The following DYNC2H1 variants were observed in gnomAD, a reference collection of about 807,000 sequenced individuals.
The protein encoded by DYNC2H1 is dynein cytoplasmic 2 heavy chain 1.
DYNC2H1 carries 410 observed loss-of-function variants against 570.0 expected under a neutral mutation model. The ratio of observed to expected loss-of-function variants is 0.72; its 90% confidence interval spans 0.66 to 0.78. The LOEUF (loss-of-function observed/expected upper bound fraction) is 0.78. DYNC2H1 is among the 30% of genes least tolerant of loss of function. The probability of loss-of-function intolerance (pLI) is 0.00; values close to 1 mark genes in which losing one functional copy is unlikely to be tolerated. For missense variants in DYNC2H1, 4,865 were observed against 5,046.4 expected (o/e 0.96, Z 1.09); for synonymous variants, 1,688 against 1,677.6 (o/e 1.01, Z -0.15).
chr11:103,307,726 G>GA lies in DYNC2H1; in HGVS notation c.11390dup (p.Asn3797LysfsTer6), dbSNP rs1263248887. 12 of 1,571,298 alleles carry GA rather than the reference G, an allele frequency of 7.6e-6. No homozygotes were observed. Among genetic ancestry groups the GA allele is most frequent in the Non-Finnish European group, 1.0e-5 (12 of 1,156,652 alleles). ...TCATTGGTTTTGTAAACAAGGAATT[G>GA]AATACTCTTCAACCTAAAGATACCT... On this transcript the variant is annotated frameshift_variant, in exon 78 of 89. Transcript: ENST00000375735. LOFTEE classifies it high-confidence loss of function.
intron 82 of DYNC2H1, among the ~76,000 whole-genome samples, chr11:103,339,679 C>T (rs1340153196): frequency 6.6e-6 from 1 of 152,158 alleles, no homozygotes; most frequent in African/African-American, 2.4e-5. Flanking sequence ...AAGCCAGTGT[C>T]GTGCTGGATT....
In DYNC2H1 at chr11:103,129,099, A is replaced by G. The variant is rs1859139283; in HGVS notation, c.1953+94A>G. Reference sequence around the variant, plus strand: ...TGTTCCCTTCAGCTTAATATATCAAATGATCTAGATTTTGTTTTGCTTCCA... The same window carrying G: ...TGTTCCCTTCAGCTTAATATATCAAGTGATCTAGATTTTGTTTTGCTTCCA... On this transcript the variant is annotated intron_variant, in intron 13 of 88. Transcript: ENST00000375735. This position sits in a 1 kb window ranked among gnomAD's most constrained non-coding sequence, Gnocchi z 4.1. 1.9e-6 allele frequency: 2 copies of G among 1,057,324 alleles called. No individual in the cohort carries two copies. The highest frequency in any genetic ancestry group is 1.3e-6 in the Non-Finnish European group (1 of 743,788). 65.5% of individuals were successfully genotyped at this position (1,057,324 alleles called of 1,614,324 possible). A position where few individuals can be genotyped will look rare whatever the true frequency, so the allele number is the denominator to read the frequency against.
intron 36 of DYNC2H1, among the ~76,000 whole-genome samples, chr11:103,175,849 T>C (rs1385554478): frequency 6.6e-6 from 1 of 152,182 alleles, no homozygotes; most frequent in African/African-American, 2.4e-5. Flanking sequence ...GACTTAACAT[T>C]CTCATGTGTA....
At chr11:103,400,564 G>T (rs760219621) in intron 84 of DYNC2H1, among the ~76,000 whole-genome samples, 1 of 152,070 alleles carries the variant, frequency 6.6e-6, no homozygotes, top group Non-Finnish European at 1.5e-5. Flanking sequence ...GGGATGTTCT[G>T]CACAGATTTA....
chr11:103,479,193 T>TG lies in DYNC2H1; in HGVS notation c.12869dup (p.Asn4291GlnfsTer33). Reference sequence around the variant, plus strand: ...TGGTTACCAATATTGATGTTCCATGTGGGGGCAACCAAGACCAGTGGATTC... The same window carrying TG: ...TGGTTACCAATATTGATGTTCCATGTGGGGGGCAACCAAGACCAGTGGATTC... On this transcript the variant is annotated frameshift_variant, in exon 89 of 89. Transcript: ENST00000375735. LOFTEE classifies it high-confidence loss of function. 1 of 1,613,884 alleles carries TG rather than the reference T, an allele frequency of 6.2e-7. No homozygotes were observed. Among genetic ancestry groups the TG allele is most frequent in the Non-Finnish European group, 8.5e-7 (1 of 1,179,832 alleles).
chr11:103,257,536 T>A (rs1395943838), intron 68 of DYNC2H1, 72 bp from the exon 69 acceptor site: 2 of 1,405,386 alleles, frequency 1.4e-6, no homozygotes, highest in Non-Finnish European at 1.9e-6. Context: ...TGCATTGTAG[T>A]CTTTAGGTGG....
At chr11:103,250,808 TTTG>T (rs141625107) in intron 65 of DYNC2H1, among the ~76,000 whole-genome samples, 10,250 of 152,054 alleles carry the variant, frequency 0.067, 378 homozygotes, top group Middle Eastern at 0.15. Context: ...TCCTTAGTAT[TTTG>T]TTGTTTAATT....
At position 103,159,317 on chromosome 11, in the gene DYNC2H1, C is replaced by T. The variant is rs559158557; in HGVS notation, c.4378+290C>T. Among the ~76,000 whole-genome samples the T allele has an allele frequency of 3.7e-4, 56 of 151,938 alleles. 1 individual carries two copies. In the South Asian group the frequency reaches 8.3e-3, roughly 23 times the overall value. On this transcript the variant is annotated intron_variant, in intron 28 of 88. Coordinates refer to ENST00000375735, the MANE Select transcript of DYNC2H1 (RefSeq NM_001377.3). ...ATCATGAAGTAAGTGACATCTAGGG[C>T]GATATCTGAAGAATGTATAGGCCTT...
At chr11:103,473,260 A>C (rs1384111754) in intron 88 of DYNC2H1, among the ~76,000 whole-genome samples, 1 of 151,350 alleles carries the variant, frequency 6.6e-6, no homozygotes, top group Non-Finnish European at 1.5e-5. Context: ...ACTGACATTC[A>C]CACTATTTAT....
At position 103,129,136 on chromosome 11, in the gene DYNC2H1, C is replaced by T. The variant is rs1182783228; in HGVS notation, c.1953+131C>T. ...TTGTTTTGCTTCCAGGGACTTCCTT[C>T]AATCTTAGCAAGTAAAATTATTTTT... On this transcript the variant is annotated intron_variant, in intron 13 of 88. Transcript: ENST00000375735. This position sits in a 1 kb window ranked among gnomAD's most constrained non-coding sequence, Gnocchi z 4.1. The T allele has an allele frequency of 2.0e-5, 13 of 649,288 alleles. No individual in the cohort carries two copies. In the East Asian group the frequency reaches 2.8e-4, roughly 14 times the overall value. 40.2% of individuals were successfully genotyped at this position (649,288 alleles called of 1,614,324 possible). A position where few individuals can be genotyped will look rare whatever the true frequency, so the allele number is the denominator to read the frequency against.
intron 18 of DYNC2H1, among the ~76,000 whole-genome samples, chr11:103,146,415 G>C (rs1421260601): frequency 5.9e-5 from 9 of 152,048 alleles, no homozygotes; most frequent in Non-Finnish European, 1.0e-4. Flanking sequence ...TTGCGTTGGG[G>C]TACAATGGAA....
Position 103,185,167 on chromosome 11 carries a change from A to G in DYNC2H1, c.6633+116A>G, listed in dbSNP as rs1862017920. 2.3e-6 allele frequency: 2 copies of G among 867,194 alleles called. No individual in the cohort carries two copies. The highest frequency in any genetic ancestry group is 3.4e-6 in the Non-Finnish European group (2 of 594,512). The allele number at this position is 867,194 out of a possible 1,614,324, so 53.7% of individuals were successfully genotyped here. ...TATGGAACTTTTAAAATTTGAAATTATGTATTCAATTGAGTAATAATGTAT... is the reference window on the plus strand; with the variant it reads ...TATGGAACTTTTAAAATTTGAAATTGTGTATTCAATTGAGTAATAATGTAT... On this transcript the variant is annotated intron_variant, in intron 41 of 88. Coordinates refer to ENST00000375735, the MANE Select transcript of DYNC2H1 (RefSeq NM_001377.3). This position sits in a 1 kb window ranked among gnomAD's most constrained non-coding sequence, Gnocchi z 4.5.
At chr11:103,190,632 A>G (rs1192981753) in intron 45 of DYNC2H1, among the ~76,000 whole-genome samples, 1 of 152,150 alleles carries the variant, frequency 6.6e-6, no homozygotes, top group East Asian at 1.9e-4. Context: ...GCTTTTTATA[A>G]TATTGGAGTA....
In DYNC2H1 at chr11:103,186,176, G is replaced by A. The variant is rs1862059440; in HGVS notation, c.6634-66G>A. On this transcript the variant is annotated intron_variant, in intron 41 of 88. Coordinates refer to ENST00000375735, the MANE Select transcript of DYNC2H1 (RefSeq NM_001377.3). This position sits in a 1 kb window ranked among gnomAD's most constrained non-coding sequence, Gnocchi z 4.5. Reference sequence around the variant, plus strand: ...GATTTACTTTTGGGATATTTACTTGGAAGAATTTTAAAATGTCACACACTC... The same window carrying A: ...GATTTACTTTTGGGATATTTACTTGAAAGAATTTTAAAATGTCACACACTC... The A allele has an allele frequency of 6.8e-7, 1 of 1,463,704 alleles. No homozygotes were observed. Among genetic ancestry groups the A allele is most frequent in the Non-Finnish European group, 9.1e-7 (1 of 1,093,290 alleles). 90.7% of individuals were successfully genotyped at this position (1,463,704 alleles called of 1,614,324 possible). A position where few individuals can be genotyped will look rare whatever the true frequency, so the allele number is the denominator to read the frequency against.
At chr11:103,417,480 C>T (rs1233215050) in intron 84 of DYNC2H1, among the ~76,000 whole-genome samples, 1 of 152,186 alleles carries the variant, frequency 6.6e-6, no homozygotes, top group African/African-American at 2.4e-5. Context: ...CACATAATCA[C>T]AAACACTAAA....
intron 70 of DYNC2H1, among the ~76,000 whole-genome samples, chr11:103,269,782 AT>A (rs1278821888): frequency 6.6e-6 from 1 of 152,194 alleles, no homozygotes; most frequent in Non-Finnish European, 1.5e-5. Flanking sequence ...TAATAAAACA[AT>A]TTTTATATCT....
chr11:103,171,501 C>T (rs1861572290), intron 34 of DYNC2H1, among the ~76,000 whole-genome samples: 1 of 152,056 alleles, frequency 6.6e-6, no homozygotes, highest in Admixed American at 6.6e-5. Flanking sequence ...GGTGATCCAC[C>T]CCCCTCGGCC....
rs929492714 is a variant in DYNC2H1, at chr11:103,120,374, A to G, written c.1000-73A>G. Reference sequence around the variant, plus strand: ...ATTTAAAGAAATTCTTGCCCAATATATCTAGATTTTAGACCTATTTATGCA... The same window carrying G: ...ATTTAAAGAAATTCTTGCCCAATATGTCTAGATTTTAGACCTATTTATGCA... On this transcript the variant is annotated intron_variant, in intron 6 of 88. Transcript: ENST00000375735. The G allele has an allele frequency of 1.6e-5, 21 of 1,319,780 alleles. No individual in the cohort carries two copies. In the East Asian group the frequency reaches 5.0e-4, roughly 31 times the overall value. The allele number at this position is 1,319,780 out of a possible 1,614,324, so 81.8% of individuals were successfully genotyped here. A position where few individuals can be genotyped will look rare whatever the true frequency, so the allele number is the denominator to read the frequency against.
Position 103,239,289 on chromosome 11 carries a change from T to C in DYNC2H1, c.9819+2750T>C, listed in dbSNP as rs1452650158. Among the ~76,000 whole-genome samples the C allele has an allele frequency of 6.6e-6, 1 of 152,164 alleles. No homozygotes were observed. Among genetic ancestry groups the C allele is most frequent in the African/African-American group, 2.4e-5 (1 of 41,446 alleles). ...AATGCAAACTAATGTGATACTAGTC[T>C]AAGAATATAAAATTATAATGGTAAA... On this transcript the variant is annotated intron_variant, in intron 63 of 88. Coordinates refer to ENST00000375735, the MANE Select transcript of DYNC2H1 (RefSeq NM_001377.3). This position sits in a 1 kb window ranked among gnomAD's most constrained non-coding sequence, Gnocchi z 4.3.
Sources: gnomAD v4.1 joint callset for allele counts (sites outside exome capture counted in the v4.1 genomes callset) on GRCh38, gnomAD v4.1.1 for gene constraint, Gnocchi (gnomAD v3.1) non-coding constraint, MANE v1.5 for transcripts, NCBI Gene and HGNC (gene_info 2026-07-23, HGNC 2026-07-21) for gene names.